Variants in KCNAB2 observed in about 807,000 individuals in gnomAD.
KCNAB2 encodes potassium voltage-gated channel subfamily A regulatory beta subunit 2.
KCNAB2 carries 29 observed loss-of-function variants against 63.6 expected under a neutral mutation model. That is an observed-to-expected ratio of 0.46 (90% CI 0.34 to 0.62). The LOEUF (loss-of-function observed/expected upper bound fraction) is 0.62, where lower values mean the gene tolerates loss of function less well. Among genes scored for constraint, KCNAB2 ranks in the 20% least tolerant of loss-of-function variants. The probability of loss-of-function intolerance (pLI) is 0.01; values close to 1 mark genes in which losing one functional copy is unlikely to be tolerated. For missense variants in KCNAB2, 359 were observed against 563.9 expected (o/e 0.64, Z 3.68); for synonymous variants, 222 against 224.2 (o/e 0.99, Z 0.09).
chr1:6,048,927 A>T (rs1661165101), intron 1 of KCNAB2, among the ~76,000 whole-genome samples: 2 of 152,128 alleles, frequency 1.3e-5, no homozygotes, highest in Non-Finnish European at 2.9e-5. Context: ...CCTAAGGTGA[A>T]CCTCTCCTGG....
intron 1 of KCNAB2, among the ~76,000 whole-genome samples, chr1:6,006,806 T>A (rs1657821882): frequency 6.7e-6 from 1 of 149,060 alleles, no homozygotes; most frequent in South Asian, 2.2e-4. Context: ...TCCTCTGGGC[T>A]CTGAGTTCCC....
intron 1 of KCNAB2, among the ~76,000 whole-genome samples, chr1:6,019,152 G>A (rs1293136102): frequency 6.6e-6 from 1 of 151,838 alleles, no homozygotes; most frequent in Non-Finnish European, 1.5e-5. Context: ...ATTAGCCGGG[G>A]GTGGTGGCAC....
chr1:6,046,562 G>C (rs1340374820), intron 1 of KCNAB2, among the ~76,000 whole-genome samples: 1 of 152,254 alleles, frequency 6.6e-6, no homozygotes, highest in Non-Finnish European at 1.5e-5. Flanking sequence ...CCAGAGCGCT[G>C]TCAGGGAGGT....
At chr1:6,054,021 C>T (rs1467448507) in intron 2 of KCNAB2, among the ~76,000 whole-genome samples, 7 of 142,852 alleles carry the variant, frequency 4.9e-5, no homozygotes, top group African/African-American at 7.9e-5. Context: ...CCAGCCTGGG[C>T]GGCAGAGTGA....
At chr1:6,049,055 A>G (rs183251189) in intron 1 of KCNAB2, among the ~76,000 whole-genome samples, 1 of 152,354 alleles carries the variant, frequency 6.6e-6, no homozygotes, top group East Asian at 1.9e-4. Context: ...CTCCCAGCAT[A>G]GAAATGAGCA....
At chr1:6,011,195 G>A (rs941256340) in intron 1 of KCNAB2, among the ~76,000 whole-genome samples, 19 of 152,240 alleles carry the variant, frequency 1.2e-4, no homozygotes, top group African/African-American at 4.6e-4. Flanking sequence ...GAGCTGCCAC[G>A]TGCACAGGAG....
chr1:6,098,702 A>T lies in KCNAB2; in HGVS notation c.*128A>T. 8.5e-7 allele frequency: 1 copy of T among 1,178,052 alleles called. No individual in the cohort carries two copies. Among genetic ancestry groups the T allele is most frequent in the Non-Finnish European group, 1.2e-6 (1 of 844,276 alleles). 73.0% of individuals were successfully genotyped at this position (1,178,052 alleles called of 1,614,324 possible). A position where few individuals can be genotyped will look rare whatever the true frequency, so the allele number is the denominator to read the frequency against. Reference sequence around the variant, plus strand: ...AGAGAAAACACCACACTGTGATGTCATCGGGAAATGATCTCCCAAGTCGCT... The same window carrying T: ...AGAGAAAACACCACACTGTGATGTCTTCGGGAAATGATCTCCCAAGTCGCT... On this transcript the variant is annotated 3_prime_UTR_variant, in exon 16 of 16. Transcript: ENST00000378083.
intron 6 of KCNAB2, among the ~76,000 whole-genome samples, 159 bp downstream of exon 6, chr1:6,085,407 G>A (rs1664613834): frequency 1.3e-5 from 2 of 152,132 alleles, no homozygotes; most frequent in African/African-American, 2.4e-5. Context: ...TCCAAGAGTA[G>A]GAGGTGACTC....
intron 2 of KCNAB2, among the ~76,000 whole-genome samples, 185 bp downstream of exon 2, chr1:6,051,939 T>C (rs1386023587): frequency 6.6e-6 from 1 of 151,098 alleles, no homozygotes; most frequent in Non-Finnish European, 1.5e-5. Context: ...CACCACCTAC[T>C]AAAAATACAA....
chr1:5,998,389 T>C (rs1445086196), intron 1 of KCNAB2, among the ~76,000 whole-genome samples: 1 of 152,156 alleles, frequency 6.6e-6, no homozygotes, highest in Non-Finnish European at 1.5e-5. Context: ...CTGGGCTCGG[T>C]TGACCTTGGG....
rs570251786 is a variant in KCNAB2, at chr1:6,072,919, T to C, written c.262+121T>C. The C allele has an allele frequency of 7.2e-6, 6 of 829,784 alleles. No individual in the cohort carries two copies. The African/African-American group carries it at 1.0e-4, about 14-fold the overall frequency. The allele number at this position is 829,784 out of a possible 1,614,324, so 51.4% of individuals were successfully genotyped here. On this transcript the variant is annotated intron_variant, in intron 3 of 15. Coordinates refer to ENST00000378083, the MANE Select transcript of KCNAB2 (RefSeq NM_001199862.2). ...CCAAACCTTGGCACTCCCCAGGGAG[T>C]AGCTGCACCCAGAGCCCAGGATTCA... is the stretch of plus-strand genomic sequence containing the variant.
intron 2 of KCNAB2, among the ~76,000 whole-genome samples, chr1:6,057,118 A>G (rs759172057): frequency 5.6e-4 from 84 of 150,156 alleles, no homozygotes; most frequent in Non-Finnish European, 9.9e-4. Flanking sequence ...TGCATCCTAG[A>G]TGGTGGGAAG....
chr1:6,048,453 C>T (rs1459723332), intron 1 of KCNAB2, among the ~76,000 whole-genome samples: 7 of 152,194 alleles, frequency 4.6e-5, no homozygotes, highest in African/African-American at 1.7e-4. Flanking sequence ...AGGCCGGGAG[C>T]GGTCAAGGTG....
At chr1:6,012,682 A>T (rs568102292) in intron 1 of KCNAB2, among the ~76,000 whole-genome samples, 40 of 144,978 alleles carry the variant, frequency 2.8e-4, no homozygotes, top group African/African-American at 7.8e-4. Context: ...GTGGAGATGG[A>T]GGTAGTGGTG....
intron 1 of KCNAB2, among the ~76,000 whole-genome samples, chr1:6,034,972 C>T (rs1433103653): frequency 2.0e-5 from 3 of 152,256 alleles, no homozygotes; most frequent in East Asian, 1.9e-4. Flanking sequence ...AGGTGACAGG[C>T]GCTGGGGAGA....
In KCNAB2 at chr1:6,074,944, ACT is replaced by A. The variant is rs1006387269; in HGVS notation, c.300+1177_300+1178del. Reference sequence around the variant, plus strand: ...ACTCCAGCCTAGGCCGTAGAGTAAGACTCTGTCTCGAAAAAAAAAAAAAAAGA... The same window carrying A: ...ACTCCAGCCTAGGCCGTAGAGTAAGACTGTCTCGAAAAAAAAAAAAAAAGA... On this transcript the variant is annotated intron_variant, in intron 4 of 15. Transcript: ENST00000378083. This position sits in a 1 kb window ranked among gnomAD's most constrained non-coding sequence, Gnocchi z 4.9. Among the ~76,000 whole-genome samples, 102 of 144,724 alleles carry A rather than the reference ACT, an allele frequency of 7.0e-4. 1 individual carries two copies. The highest frequency in any genetic ancestry group is 1.9e-3 in the Admixed American group (28 of 14,406). The allele number at this position is 144,724 out of a possible 152,430, so 94.9% of individuals were successfully genotyped here. A position where few individuals can be genotyped will look rare whatever the true frequency, so the allele number is the denominator to read the frequency against.
At chr1:6,070,242 T>G (rs1663084251) in intron 2 of KCNAB2, among the ~76,000 whole-genome samples, 1 of 152,210 alleles carries the variant, frequency 6.6e-6, no homozygotes, top group Admixed American at 6.5e-5. Flanking sequence ...AGGCTTTATC[T>G]GTTTTTGCAA....
intron 13 of KCNAB2, among the ~76,000 whole-genome samples, chr1:6,095,883 C>A (rs1665585379): frequency 7.0e-6 from 1 of 142,920 alleles, no homozygotes; most frequent in African/African-American, 2.6e-5. Flanking sequence ...CTGCCCCCAC[C>A]ACATCCCCCC....
intron 1 of KCNAB2, among the ~76,000 whole-genome samples, chr1:6,011,352 C>T (rs1658135209): frequency 6.6e-6 from 1 of 150,698 alleles, no homozygotes; most frequent in African/African-American, 2.5e-5. Flanking sequence ...GCGGCTGTGC[C>T]CAGGGCCAGG....
Sources: gnomAD v4.1 joint callset for allele counts (sites outside exome capture counted in the v4.1 genomes callset) on GRCh38, gnomAD v4.1.1 for gene constraint, Gnocchi (gnomAD v3.1) non-coding constraint, MANE v1.5 for transcripts, NCBI Gene and HGNC (gene_info 2026-07-23, HGNC 2026-07-21) for gene names.